Variants in SMARCA4 observed in about 807,000 individuals in gnomAD.
SMARCA4 encodes SWI/SNF related BAF chromatin remodeling complex subunit ATPase 4, also known as SWI/SNF-related matrix-associated actin-dependent regulator of chromatin subfamily A member 4.
In SMARCA4, 31 loss-of-function variants were observed where a neutral mutation model predicts 193.9. The observed-to-expected ratio is 0.16, with a 90% CI of 0.12 to 0.22. The LOEUF is 0.22. Among genes scored for constraint, SMARCA4 ranks in the 10% least tolerant of loss-of-function variants. The pLI, the probability that SMARCA4 is intolerant of heterozygous loss-of-function variation, is 1.00. For synonymous variants in SMARCA4, 942 were observed against 933.1 expected (o/e 1.01, Z -0.17); for missense variants, 1,148 against 2,296.0 (o/e 0.50, Z 10.22).
chr19:10,975,318 CTTTTTTTTTTTT>C lies in SMARCA4; in HGVS notation c.-31-8796_-31-8785del, dbSNP rs372249804. Among the ~76,000 whole-genome samples the C allele has an allele frequency of 3.7e-5, 4 of 107,466 alleles. No homozygotes were observed. The South Asian group carries it at 1.2e-3, about 31-fold the overall frequency. 70.5% of individuals were successfully genotyped at this position (107,466 alleles called of 152,430 possible). ...GGCATTAACACCATATCCAACCTTA[CTTTTTTTTTTTT>C]TTTTTTGAGTGTTTCTCTGTTGCCA... On this transcript the variant is annotated intron_variant, in intron 1 of 34. Transcript: ENST00000344626.
At chr19:11,011,344 A>T (rs2088826798) in intron 15 of SMARCA4, 1 of 151,022 alleles carries the variant, frequency 6.6e-6, no homozygotes, top group African/African-American at 2.4e-5. Flanking sequence ...CCTGCCTCAG[A>T]CTCCTGAGTA....
chr19:11,018,671 T>C (rs2089594085), intron 16 of SMARCA4, among the ~76,000 whole-genome samples: 1 of 152,220 alleles, frequency 6.6e-6, no homozygotes, highest in African/African-American at 2.4e-5. Context: ...CCTGGCAGCA[T>C]TGTTTCTGTC....
rs767575401 is a variant in SMARCA4 at position 10,985,414 on chromosome 19, C to T, written c.355+9C>T. ...GGACCAGCACTCCCAAGGTACAGAA[C>T]TGCGTTCCTTCCTGCCTTGTGTTTG... On this transcript the variant is annotated intron_variant, in intron 3 of 34. Transcript: ENST00000344626. This position sits in a 1 kb window ranked among gnomAD's most constrained non-coding sequence, Gnocchi z 4.5. The T allele has an allele frequency of 6.8e-6, 11 of 1,613,524 alleles. No individual in the cohort carries two copies. Among genetic ancestry groups the T allele is most frequent in the Admixed American group, 1.7e-5 (1 of 59,982 alleles).
Position 11,023,637 on chromosome 19 carries a change from G to C in SMARCA4, c.2973+6G>C. 1 of 1,569,190 alleles carries C rather than the reference G, an allele frequency of 6.4e-7. No homozygotes were observed. The highest frequency in any genetic ancestry group is 1.7e-5 in the Admixed American group (1 of 58,264). Reference sequence around the variant, plus strand: ...AGGCCCAGTTGCCCGAAAAGGTGATGGAGTTTTGAGGGGAGCCACCAGTGA... The same window carrying C: ...AGGCCCAGTTGCCCGAAAAGGTGATCGAGTTTTGAGGGGAGCCACCAGTGA... On this transcript the variant is annotated splice_donor_region_variant and intron_variant, in intron 20 of 34. Coordinates refer to ENST00000344626, the MANE Select transcript of SMARCA4 (RefSeq NM_003072.5).
In SMARCA4 at chr19:11,033,631, G is replaced by GA. The variant is rs2075077629; in HGVS notation, c.3774+115dup. The GA allele has an allele frequency of 1.2e-6, 1 of 819,538 alleles. No homozygotes were observed. The highest frequency in any genetic ancestry group is 2.1e-6 in the Non-Finnish European group (1 of 466,562). The allele number at this position is 819,538 out of a possible 1,614,324, so 50.8% of individuals were successfully genotyped here. ...CTCTTATTTTTTTTGCATCCCTTTG[G>GA]AGTAAAGGGAGTGTGGGCTGAACGG... On this transcript the variant is annotated intron_variant, in intron 26 of 34. Transcript: ENST00000344626. The surrounding 1 kb of genome is among the most constrained non-coding windows in gnomAD (Gnocchi z 9.8).
chr19:11,027,048 G>A (rs1282205467), intron 23 of SMARCA4, among the ~76,000 whole-genome samples: 1 of 152,224 alleles, frequency 6.6e-6, no homozygotes, highest in Non-Finnish European at 1.5e-5. Flanking sequence ...CCTAATGGAT[G>A]TGGATGCTGT....
chr19:11,032,794 G>A (rs760302281), intron 25 of SMARCA4: 1 of 238,976 alleles, frequency 4.2e-6, no homozygotes, highest in Non-Finnish European at 8.4e-6. Flanking sequence ...CCACGGGTTG[G>A]GCCCCATGTA....
At chr19:10,977,404 G>A (rs1293828208) in intron 1 of SMARCA4, among the ~76,000 whole-genome samples, 7 of 151,574 alleles carry the variant, frequency 4.6e-5, no homozygotes, top group Non-Finnish European at 1.0e-4. Flanking sequence ...GCTCACTGCA[G>A]CCTCTGCCTC....
At position 10,984,386 on chromosome 19, in the gene SMARCA4, G is replaced by GT; in HGVS notation, c.222+14dup. 6.4e-7 allele frequency: 1 copy of GT among 1,567,688 alleles called. No individual in the cohort carries two copies. Among genetic ancestry groups the GT allele is most frequent in the Non-Finnish European group, 8.6e-7 (1 of 1,156,242 alleles). ...CCAGATGCACAAGGTAGGGATCCCT[G>GT]TGCCCGCCTCGCACCTGCGGCCTCT... On this transcript the variant is annotated intron_variant, in intron 2 of 34. Coordinates refer to ENST00000344626, the MANE Select transcript of SMARCA4 (RefSeq NM_003072.5). The surrounding 1 kb of genome is among the most constrained non-coding windows in gnomAD (Gnocchi z 4.3).
At chr19:11,053,257 G>C (rs2076359961) in intron 30 of SMARCA4, among the ~76,000 whole-genome samples, 1 of 152,150 alleles carries the variant, frequency 6.6e-6, no homozygotes, top group South Asian at 2.1e-4. Context: ...GCCAAGGCTG[G>C]CGAATCGCTG....
rs777544121 is a variant in SMARCA4 at position 10,996,534 on chromosome 19, C to A, written c.1802C>A (p.Pro601Gln). The change falls in exon 11 of 35, where the codon CCG (proline) becomes CAG (glutamine). Residue 601 changes from proline to glutamine, a missense_variant. Pro to Gln is a moderately conservative substitution (Grantham distance 76, BLOSUM62 -1). This residue lies in a region of SMARCA4 where 115 missense variants were observed against 175.1 expected (regional missense o/e 0.66). Transcript: ENST00000344626. ...GAAGGACAGACGCCTGCCATTGGGC[C>A]GGATGGCGAGGTGAGGAAGCAGGGT... ...NAEGQTPAIG[P>Q]DGEPLDETSQ... The A allele has an allele frequency of 6.2e-7, 1 of 1,614,108 alleles. No homozygotes were observed. The highest frequency in any genetic ancestry group is 8.5e-7 in the Non-Finnish European group (1 of 1,179,966).
At chr19:11,037,635 T>C (rs1363715026) in intron 29 of SMARCA4, among the ~76,000 whole-genome samples, 2 of 152,262 alleles carry the variant, frequency 1.3e-5, no homozygotes, top group East Asian at 3.8e-4. Flanking sequence ...AAGTGTTTCA[T>C]TGTACTTACA....
intron 1 of SMARCA4, among the ~76,000 whole-genome samples, chr19:10,983,177 G>A (rs2085705030): frequency 6.6e-6 from 1 of 152,138 alleles, no homozygotes; most frequent in Non-Finnish European, 1.5e-5. Context: ...ACAGACACAA[G>A]TATCTTTCCT....
At chr19:11,015,574 C>T (rs1024523304) in intron 16 of SMARCA4, among the ~76,000 whole-genome samples, 3 of 152,148 alleles carry the variant, frequency 2.0e-5, no homozygotes, top group Non-Finnish European at 2.9e-5. Flanking sequence ...TTACACTTTC[C>T]GTTAATAACT....
chr19:11,002,381 A>G (rs776045224), intron 11 of SMARCA4, among the ~76,000 whole-genome samples: 9 of 152,194 alleles, frequency 5.9e-5, no homozygotes, highest in Non-Finnish European at 1.0e-4. Context: ...CTGGAGGCTG[A>G]GGCAGGAGAA....
At position 11,034,842 on chromosome 19, in the gene SMARCA4, C is replaced by T. The variant is rs536989878; in HGVS notation, c.3952-72C>T. 1.5e-5 allele frequency: 15 copies of T among 978,746 alleles called. No homozygotes were observed. Among genetic ancestry groups the T allele is most frequent in the South Asian group, 9.6e-5 (7 of 72,598 alleles). The allele number at this position is 978,746 out of a possible 1,614,324, so 60.6% of individuals were successfully genotyped here. A position where few individuals can be genotyped will look rare whatever the true frequency, so the allele number is the denominator to read the frequency against. On this transcript the variant is annotated intron_variant, in intron 28 of 34. Coordinates refer to ENST00000344626, the MANE Select transcript of SMARCA4 (RefSeq NM_003072.5). This position sits in a 1 kb window ranked among gnomAD's most constrained non-coding sequence, Gnocchi z 7.0. ...GCAGAGAAAGGCCCTTCTGAACTCT[C>T]GGTGTTCTGGCTCTAGCGTGCCCCT...
chr19:10,986,090 G>C lies in SMARCA4; in HGVS notation c.356-99G>C, dbSNP rs1180920317. 2.9e-6 allele frequency: 3 copies of C among 1,043,568 alleles called. No homozygotes were observed. The East Asian group carries it at 7.2e-5, about 25-fold the overall frequency. 64.6% of individuals were successfully genotyped at this position (1,043,568 alleles called of 1,614,324 possible). A position where few individuals can be genotyped will look rare whatever the true frequency, so the allele number is the denominator to read the frequency against. On this transcript the variant is annotated intron_variant, in intron 3 of 34. Coordinates refer to ENST00000344626, the MANE Select transcript of SMARCA4 (RefSeq NM_003072.5). This position sits in a 1 kb window ranked among gnomAD's most constrained non-coding sequence, Gnocchi z 6.7. Reference sequence around the variant, plus strand: ...CTCAAGAGAAGGATGCCATTTGGCTGTGCCCTGTCTCAGAGTAGGAGCTGG... The same window carrying C: ...CTCAAGAGAAGGATGCCATTTGGCTCTGCCCTGTCTCAGAGTAGGAGCTGG...
intron 16 of SMARCA4, chr19:11,016,063 G>A (rs1306013941): frequency 6.6e-6 from 1 of 152,158 alleles, no homozygotes; most frequent in East Asian, 1.9e-4. Context: ...TGGAAGACTG[G>A]GCACCTGGTG....
At chr19:11,055,301 T>C (rs985433253) in intron 30 of SMARCA4, among the ~76,000 whole-genome samples, 1 of 152,308 alleles carries the variant, frequency 6.6e-6, no homozygotes, top group East Asian at 1.9e-4. Context: ...GTGATTCTCC[T>C]GCCTCAGCCT....
Sources: gnomAD v4.1 joint callset for allele counts (sites outside exome capture counted in the v4.1 genomes callset) on GRCh38, gnomAD v4.1.1 for gene constraint, gnomAD v4.1.1 regional missense constraint, Gnocchi (gnomAD v3.1) non-coding constraint, MANE v1.5 for transcripts, NCBI Gene and HGNC (gene_info 2026-07-23, HGNC 2026-07-21) for gene names.